Variants in ACBD6 observed in about 807,000 individuals in gnomAD.
The protein encoded by ACBD6 is acyl-CoA-binding domain-containing protein 6.
A neutral mutation model predicts 37.2 loss-of-function variants in ACBD6; 28 were observed. That is an observed-to-expected ratio of 0.75 (90% CI 0.56 to 1.03). The LOEUF (loss-of-function observed/expected upper bound fraction) is 1.03. ACBD6 is among the 50% of genes least tolerant of loss of function. The pLI, the probability that ACBD6 is intolerant of heterozygous loss-of-function variation, is 0.00. For synonymous variants in ACBD6, 113 were observed against 126.8 expected (o/e 0.89, Z 0.73); for missense variants, 340 against 337.4 (o/e 1.01, Z -0.06).
At chr1:180,301,407 G>GT (rs766724379) in intron 7 of ACBD6, among the ~76,000 whole-genome samples, 2 of 151,732 alleles carry the variant, frequency 1.3e-5, no homozygotes, top group Non-Finnish European at 2.9e-5. Flanking sequence ...CACATATTTT[G>GT]TATGTTATAT....
chr1:180,290,070 G>C (rs1344851289), intron 7 of ACBD6, among the ~76,000 whole-genome samples: 1 of 152,110 alleles, frequency 6.6e-6, no homozygotes, highest in East Asian at 1.9e-4. Flanking sequence ...TAAAAGCTTT[G>C]TTTAAATTCT....
chr1:180,459,057 T>C lies in ACBD6; in HGVS notation c.385-28795A>G, dbSNP rs12080367. On this transcript the variant is annotated intron_variant, in intron 3 of 7. Transcript: ENST00000367595. Reference sequence around the variant, plus strand: ...TAATGATATTTTTTCAAGATCTCAGTAGTGTAAAACACTAAAAATAATTCA... The same window carrying C: ...TAATGATATTTTTTCAAGATCTCAGCAGTGTAAAACACTAAAAATAATTCA... 7.1e-3 allele frequency among the ~76,000 whole-genome samples: 1,080 copies of C among 152,284 alleles called. 10 individuals are homozygous for C. Among genetic ancestry groups the C allele is most frequent in the African/African-American group, 0.024 (1,009 of 41,578 alleles).
At chr1:180,355,859 T>C (rs116185207) in intron 6 of ACBD6, among the ~76,000 whole-genome samples, 401 of 144,978 alleles carry the variant, frequency 2.8e-3, no homozygotes, top group African/African-American at 9.6e-3. Context: ...ACAGAATCTG[T>C]CATATTGCTA....
At chr1:180,279,432 G>C (rs1356239251) in intron 9 of ACBD6, among the ~76,000 whole-genome samples, 1 of 152,124 alleles carries the variant, frequency 6.6e-6, no homozygotes, top group Non-Finnish European at 1.5e-5. Flanking sequence ...GAGTACGTGG[G>C]ATTACAGGCA....
At chr1:180,408,168 T>TG (rs1474583968) in intron 5 of ACBD6, among the ~76,000 whole-genome samples, 1 of 152,194 alleles carries the variant, frequency 6.6e-6, no homozygotes, top group Non-Finnish European at 1.5e-5. Flanking sequence ...AACTGAAATT[T>TG]GGGGGTTGTG....
chr1:180,402,834 C>T (rs1647437255), intron 5 of ACBD6, among the ~76,000 whole-genome samples: 1 of 151,392 alleles, frequency 6.6e-6, no homozygotes, highest in African/African-American at 2.4e-5. Context: ...CAAGAAATTA[C>T]TAAGCTATAA....
chr1:180,460,745 A>C (rs1042448884), intron 3 of ACBD6, among the ~76,000 whole-genome samples: 2 of 152,250 alleles, frequency 1.3e-5, no homozygotes, highest in Non-Finnish European at 1.5e-5. Context: ...TCCCATCCAC[A>C]GGTCAGCAAC....
chr1:180,473,763 C>T (rs907139332), intron 3 of ACBD6, among the ~76,000 whole-genome samples: 2 of 152,070 alleles, frequency 1.3e-5, no homozygotes, highest in African/African-American at 2.4e-5. Flanking sequence ...GCTATAGTTA[C>T]TGATATTGAA....
At chr1:180,361,069 T>C (rs1303910073) in intron 6 of ACBD6, among the ~76,000 whole-genome samples, 1 of 152,136 alleles carries the variant, frequency 6.6e-6, no homozygotes, top group African/African-American at 2.4e-5. Flanking sequence ...GTCCCCCCAT[T>C]TGCTGGGCTA....
chr1:180,492,222 G>T, intron 3 of ACBD6, 47 bp downstream of exon 3: 1 of 1,355,764 alleles, frequency 7.4e-7, no homozygotes, highest in Non-Finnish European at 1.1e-6. Context: ...TTTCAGAGAA[G>T]GATCATAAGT....
intron 13 of ACBD6, chr1:180,272,085 ATC>A (rs1648706750): frequency 1.5e-6 from 2 of 1,371,046 alleles, no homozygotes. Context: ...CTCAGGAGGG[ATC>A]TTTCTTGAGG....
intron 6 of ACBD6, among the ~76,000 whole-genome samples, chr1:180,376,065 C>T (rs891427450): frequency 1.3e-5 from 2 of 151,926 alleles, no homozygotes; most frequent in South Asian, 4.1e-4. Flanking sequence ...ATAAAAATAG[C>T]CCTGAAATAC....
intron 7 of ACBD6, among the ~76,000 whole-genome samples, chr1:180,308,448 A>G (rs1327275985): frequency 6.6e-6 from 1 of 152,218 alleles, no homozygotes; most frequent in Admixed American, 6.5e-5. Flanking sequence ...AGCATTCATC[A>G]GCCCAGTACA....
chr1:180,314,701 G>A lies in ACBD6; in HGVS notation c.685C>T (p.Leu229=). 6.5e-7 allele frequency: 1 copy of A among 1,529,568 alleles called. No individual in the cohort carries two copies. The highest frequency in any genetic ancestry group is 1.1e-5 in the South Asian group (1 of 89,338). The allele number at this position is 1,529,568 out of a possible 1,614,324, so 94.7% of individuals were successfully genotyped here. A position where few individuals can be genotyped will look rare whatever the true frequency, so the allele number is the denominator to read the frequency against. The change falls in exon 7 of 8, where the codon CTA becomes TTA. Residue 229 remains leucine (L), a synonymous_variant. Transcript: ENST00000367595. The part of the protein sequence containing the change: ...NCQDNEGQTA[L]HYASACEFLD... ...TTTAGAAACTTCTTACCATAATGTAGAGCTGTTTGGCCTTCATTGTCCTAT... is the reference window on the plus strand; with the variant it reads ...TTTAGAAACTTCTTACCATAATGTAAAGCTGTTTGGCCTTCATTGTCCTAT...
rs1375874377 is a variant in ACBD6 at position 180,492,312 on chromosome 1, T to C, written c.341A>G (p.Tyr114Cys). 1 of 1,614,160 alleles carries C rather than the reference T, an allele frequency of 6.2e-7. No individual in the cohort carries two copies. Among genetic ancestry groups the C allele is most frequent in the South Asian group, 1.1e-5 (1 of 91,086 alleles). ...DSSPSQAMQE[Y>C]IAVVKKLDPG... Reference sequence around the variant, plus strand: ...ATCTAGTTTTTTAACTACTGCGATATATTCCTGCATTGCTTGGCTGGGGCT... The same window carrying C: ...ATCTAGTTTTTTAACTACTGCGATACATTCCTGCATTGCTTGGCTGGGGCT... Residue 114 changes from tyrosine to cysteine, a missense_variant, in exon 3 of 8, where the codon TAT becomes TGT. Physicochemically the swap from Tyr to Cys is radical, Grantham distance 194. Coordinates refer to ENST00000367595, the MANE Select transcript of ACBD6 (RefSeq NM_032360.4).
At chr1:180,457,183 G>A (rs1416572443) in intron 3 of ACBD6, among the ~76,000 whole-genome samples, 1 of 151,996 alleles carries the variant, frequency 6.6e-6, no homozygotes, top group Non-Finnish European at 1.5e-5. Context: ...AGATCCACGG[G>A]GCCAAAGGTG....
chr1:180,495,394 G>T, intron 2 of ACBD6, 67 bp downstream of exon 2: 1 of 1,185,280 alleles, frequency 8.4e-7, no homozygotes, highest in Non-Finnish European at 1.2e-6. Flanking sequence ...TCAGCTCACT[G>T]CTTTCTAATT....
At chr1:180,493,247 C>CAAAAAAAAAAAAAAAAAAAA (rs71121023) in intron 2 of ACBD6, among the ~76,000 whole-genome samples, 4 of 47,790 alleles carry the variant, frequency 8.4e-5, no homozygotes, top group African/African-American at 2.3e-4. Context: ...AATTCTGTCT[C>CAAAAAAAAAAAAAAAAAAAA]AAAAAAAAAA....
At chr1:180,291,269 T>A (rs1321547683) in intron 7 of ACBD6, among the ~76,000 whole-genome samples, 2 of 152,224 alleles carry the variant, frequency 1.3e-5, no homozygotes, top group Admixed American at 6.5e-5. Context: ...TGCTGAGTCA[T>A]ATGGCAAGTG....
Sources: allele counts gnomAD v4.1 joint callset (sites outside exome capture counted in the v4.1 genomes callset), GRCh38; gene constraint gnomAD v4.1.1; transcripts MANE v1.5; gene names NCBI Gene and HGNC (gene_info 2026-07-23, HGNC 2026-07-21).